The following DYTN variants were observed in gnomAD, a reference collection of about 807,000 sequenced individuals.
The protein encoded by DYTN is dystrotelin.
DYTN carries 75 observed loss-of-function variants against 69.6 expected under a neutral mutation model. The observed-to-expected ratio is 1.08, with a 90% CI of 0.89 to 1.31. The LOEUF (loss-of-function observed/expected upper bound fraction) is 1.31, where lower values mean the gene tolerates loss of function less well. Ranked by LOEUF, DYTN falls within the 50% of genes most tolerant of loss-of-function variation. DYTN has a pLI of 0.00. For missense variants in DYTN, 726 were observed against 688.4 expected (o/e 1.05, Z -0.61); for synonymous variants, 252 against 249.1 (o/e 1.01, Z -0.11).
chr2:206,716,889 G>T (rs1480838716), intron 1 of DYTN, among the ~76,000 whole-genome samples: 1 of 152,066 alleles, frequency 6.6e-6, no homozygotes, highest in Non-Finnish European at 1.5e-5. Context: ...CTCCTGTCAA[G>T]TTATGCTTTA....
At chr2:206,674,915 G>A (rs773751430) in intron 9 of DYTN, among the ~76,000 whole-genome samples, 5 of 151,748 alleles carry the variant, frequency 3.3e-5, no homozygotes, top group Non-Finnish European at 7.4e-5. Context: ...ACCATCTCGA[G>A]CCAACAACTA....
At chr2:206,673,314 A>G (rs1423938258) in intron 9 of DYTN, among the ~76,000 whole-genome samples, 1 of 151,878 alleles carries the variant, frequency 6.6e-6, no homozygotes, top group Non-Finnish European at 1.5e-5. Flanking sequence ...CTGGAGTGCA[A>G]TGGCACAGTC....
chr2:206,670,524 T>G (rs906632084), intron 9 of DYTN: 6 of 152,148 alleles, frequency 3.9e-5, no homozygotes, highest in African/African-American at 1.4e-4. Flanking sequence ...AATGGATTCA[T>G]GAGTCCTCGG....
At chr2:206,693,910 G>A (rs1331307484) in intron 8 of DYTN, among the ~76,000 whole-genome samples, 1 of 152,200 alleles carries the variant, frequency 6.6e-6, no homozygotes, top group Admixed American at 6.5e-5. Context: ...TAGGAAGGTA[G>A]ATCCTAGGCC....
At chr2:206,658,327 A>C (rs923148306) in intron 11 of DYTN, among the ~76,000 whole-genome samples, 5 of 152,118 alleles carry the variant, frequency 3.3e-5, no homozygotes, top group African/African-American at 1.2e-4. Context: ...TTACTATTTC[A>C]TAAGGGTCCA....
chr2:206,657,981 T>C (rs1219962720), intron 11 of DYTN, among the ~76,000 whole-genome samples: 1 of 152,158 alleles, frequency 6.6e-6, no homozygotes, highest in Non-Finnish European at 1.5e-5. Flanking sequence ...CTTCTACAAC[T>C]CCCATATTAC....
intron 3 of DYTN, 80 bp from the exon 4 acceptor site, chr2:206,705,953 T>A: frequency 6.8e-7 from 1 of 1,465,998 alleles, no homozygotes; most frequent in South Asian, 1.2e-5. Flanking sequence ...AAACCATAAC[T>A]ATTAATGGGC....
chr2:206,698,210 T>C (rs1367968012), intron 7 of DYTN, among the ~76,000 whole-genome samples: 1 of 152,186 alleles, frequency 6.6e-6, no homozygotes, highest in Admixed American at 6.5e-5. Context: ...ACAGTCCTGT[T>C]CATTTATATG....
chr2:206,656,422 C>T (rs1444991021), intron 11 of DYTN, among the ~76,000 whole-genome samples: 1 of 152,024 alleles, frequency 6.6e-6, no homozygotes, highest in Non-Finnish European at 1.5e-5. Context: ...TCTTTTTCTT[C>T]AATCCATTCA....
intron 9 of DYTN, among the ~76,000 whole-genome samples, chr2:206,668,819 C>T (rs1010933271): frequency 6.6e-6 from 1 of 151,212 alleles, no homozygotes; most frequent in African/African-American, 2.5e-5. Context: ...GCAGTTTTCC[C>T]CATGCTGTTC....
chr2:206,710,447 G>T, intron 2 of DYTN, 77 bp downstream of exon 2: 1 of 1,389,856 alleles, frequency 7.2e-7, no homozygotes, highest in Non-Finnish European at 9.9e-7. Flanking sequence ...TGGGGGGAGT[G>T]TTTGTTTTCT....
In DYTN at chr2:206,662,903, C is replaced by T. The variant is rs753729368; in HGVS notation, c.1633G>A (p.Gly545Ser). 3.7e-6 allele frequency: 6 copies of T among 1,610,360 alleles called. No individual in the cohort carries two copies. The African/African-American group carries it at 6.7e-5, about 18-fold the overall frequency. The change falls in exon 11 of 12, where the codon GGC becomes AGC. Residue 545 changes from glycine to serine, a missense_variant and splice_region_variant. Transcript: ENST00000452335. Reference protein sequence around the residue: ...MDAFNLETPSGPESSVNMDLY... With the variant: ...MDAFNLETPSSPESSVNMDLY... ...TGTCTATGGATTGTGAAAACCTTACCTGATGGCGTTTCTAGATTGAAGGCA... is the reference window on the plus strand; with the variant it reads ...TGTCTATGGATTGTGAAAACCTTACTTGATGGCGTTTCTAGATTGAAGGCA...
At chr2:206,702,919 C>T (rs1324221707) in intron 5 of DYTN, among the ~76,000 whole-genome samples, 1 of 152,130 alleles carries the variant, frequency 6.6e-6, no homozygotes, top group East Asian at 1.9e-4. Flanking sequence ...CCGGCACAGG[C>T]AGACACCACT....
chr2:206,680,554 A>G (rs533228019), intron 9 of DYTN, among the ~76,000 whole-genome samples: 4 of 152,280 alleles, frequency 2.6e-5, no homozygotes, highest in African/African-American at 9.6e-5. Context: ...TCCTTCCAGT[A>G]TAGTAGATAG....
chr2:206,679,933 T>C (rs938186091), intron 9 of DYTN, among the ~76,000 whole-genome samples: 8 of 152,184 alleles, frequency 5.3e-5, no homozygotes, highest in African/African-American at 1.9e-4. Context: ...TCTGTCTTCA[T>C]TTGCTCAGGA....
intron 9 of DYTN, among the ~76,000 whole-genome samples, chr2:206,675,572 A>G (rs116297402): frequency 0.013 from 1,912 of 152,170 alleles, 47 homozygotes; most frequent in African/African-American, 0.044. Context: ...ATAACCTTTT[A>G]CTGAGAGACA....
chr2:206,708,788 A>G (rs567516950), intron 2 of DYTN, among the ~76,000 whole-genome samples: 3 of 152,320 alleles, frequency 2.0e-5, no homozygotes, highest in South Asian at 4.1e-4. Context: ...TTGTTTGGAT[A>G]TCTTTTCTAG....
chr2:206,710,668 A>G, intron 1 of DYTN, 70 bp from the exon 2 acceptor site: 2 of 1,225,088 alleles, frequency 1.6e-6, no homozygotes, highest in Middle Eastern at 2.2e-4. Context: ...CATGGAAGGA[A>G]ATCCTAGAGA....
chr2:206,700,007 A>G, intron 6 of DYTN, 117 bp from the exon 7 acceptor site: 1 of 1,530,572 alleles, frequency 6.5e-7, no homozygotes, highest in Non-Finnish European at 8.9e-7. Context: ...GAAAAGCTGG[A>G]GGTGAGACTA....
Sources: gnomAD v4.1 joint callset for allele counts (sites outside exome capture counted in the v4.1 genomes callset) on GRCh38, gnomAD v4.1.1 for gene constraint, MANE v1.5 for transcripts, NCBI Gene and HGNC (gene_info 2026-07-23, HGNC 2026-07-21) for gene names.